The following RTF1 variants were observed in gnomAD, a reference collection of about 807,000 sequenced individuals.
The protein encoded by RTF1 is RTF1 homolog, Paf1/RNA polymerase II complex component, also known as RNA polymerase-associated protein RTF1 homolog.
In RTF1, 10 loss-of-function variants were observed where a neutral mutation model predicts 95.7. The observed-to-expected ratio is 0.10, with a 90% CI of 0.06 to 0.18. The LOEUF (loss-of-function observed/expected upper bound fraction) is 0.18. Among genes scored for constraint, RTF1 ranks in the 10% least tolerant of loss-of-function variants. The probability of loss-of-function intolerance (pLI) is 1.00; values close to 1 mark genes in which losing one functional copy is unlikely to be tolerated. For synonymous variants in RTF1, 305 were observed against 311.8 expected (o/e 0.98, Z 0.23); for missense variants, 458 against 875.6 (o/e 0.52, Z 6.02).
intron 4 of RTF1, among the ~76,000 whole-genome samples, chr15:41,459,907 A>G (rs997340349): frequency 6.6e-6 from 1 of 152,146 alleles, no homozygotes. Flanking sequence ...TTGTCTTGGA[A>G]ATAAAATAGC....
chr15:41,470,613 G>GT (rs887360976), intron 7 of RTF1, among the ~76,000 whole-genome samples: 13 of 144,738 alleles, frequency 9.0e-5, no homozygotes, highest in Non-Finnish European at 2.0e-4. Context: ...CTGACTTCGT[G>GT]TCATTCTCAG....
rs183731293 is a variant in RTF1 at position 41,425,081 on chromosome 15, G to T, written c.198+7768G>T. Among the ~76,000 whole-genome samples, 1,068 of 152,178 alleles carry T rather than the reference G, an allele frequency of 7.0e-3. 8 individuals are homozygous for T. The highest frequency in any genetic ancestry group is 0.012 in the Non-Finnish European group (837 of 67,970). ...CTCCCCGGTGGCTGGGACTGCAAGT[G>T]TGTGCCACCACACTTGGCTAATTTT... On this transcript the variant is annotated intron_variant, in intron 1 of 17. Transcript: ENST00000389629.
intron 10 of RTF1, 44 bp from the exon 11 acceptor site, chr15:41,475,668 C>A (rs2050938598): frequency 1.2e-6 from 2 of 1,600,744 alleles, no homozygotes; most frequent in African/African-American, 2.7e-5. Context: ...AAATATCTTT[C>A]CAAAATCCCT....
chr15:41,469,982 A>G (rs1358567583), intron 6 of RTF1, among the ~76,000 whole-genome samples: 3 of 152,176 alleles, frequency 2.0e-5, no homozygotes, highest in Non-Finnish European at 4.4e-5. Flanking sequence ...TGAGTGCCAT[A>G]AAAGAGAACT....
chr15:41,447,212 G>A (rs150823979), intron 2 of RTF1, among the ~76,000 whole-genome samples: 123 of 152,252 alleles, frequency 8.1e-4, no homozygotes, highest in African/African-American at 2.7e-3. Context: ...CTGAGACCTA[G>A]GAATATGGGT....
chr15:41,449,377 C>T (rs778701890), intron 2 of RTF1, among the ~76,000 whole-genome samples: 42 of 152,092 alleles, frequency 2.8e-4, no homozygotes, highest in Admixed American at 4.6e-4. Flanking sequence ...ACTACAGGCG[C>T]CCGCCACCAT....
At chr15:41,459,117 A>T (rs571054008) in intron 4 of RTF1, among the ~76,000 whole-genome samples, 9 of 152,082 alleles carry the variant, frequency 5.9e-5, no homozygotes, top group African/African-American at 2.2e-4. Context: ...GCGGCGGCTC[A>T]CACCTGTAAT....
At chr15:41,478,957 T>G (rs2050956255) in intron 15 of RTF1, 146 bp from the exon 16 acceptor site, 2 of 613,282 alleles carry the variant, frequency 3.3e-6, no homozygotes, top group Non-Finnish European at 5.7e-6. Context: ...TTTTTTTTTT[T>G]TTTTGCTGCT....
chr15:41,445,785 G>T (rs1459443336), intron 2 of RTF1, among the ~76,000 whole-genome samples: 1 of 150,794 alleles, frequency 6.6e-6, no homozygotes. Context: ...AAGAGGGCTG[G>T]AGTGTGGTGG....
intron 2 of RTF1, among the ~76,000 whole-genome samples, chr15:41,446,398 C>T (rs1352863227): frequency 1.3e-5 from 2 of 151,904 alleles, no homozygotes; most frequent in Admixed American, 1.3e-4. Flanking sequence ...AACCCCTTTT[C>T]TACTAAAAAT....
chr15:41,422,838 C>T (rs766854826), intron 1 of RTF1, among the ~76,000 whole-genome samples: 23 of 152,110 alleles, frequency 1.5e-4, no homozygotes, highest in Non-Finnish European at 3.1e-4. Context: ...TGCAGTGGCG[C>T]GATCTTGGCT....
At chr15:41,478,650 A>G (rs758330021) in intron 15 of RTF1, 25 bp downstream of exon 15, 1 of 1,563,428 alleles carries the variant, frequency 6.4e-7, no homozygotes, top group Non-Finnish European at 8.8e-7. Context: ...AGGACATTTT[A>G]GTCAGGACCT....
chr15:41,479,201 A>AAC lies in RTF1; in HGVS notation c.1914+4_1914+5insCA. Reference sequence around the variant, plus strand: ...ATGCTCCAAAGGAAATGAGCAAGGCAAGTGTGGTACCACCCTGTTGCCTGC... The same window carrying AAC: ...ATGCTCCAAAGGAAATGAGCAAGGCAACAGTGTGGTACCACCCTGTTGCCTGC... On this transcript the variant is annotated splice_donor_region_variant and intron_variant, in intron 16 of 17. Transcript: ENST00000389629. 1 of 1,604,818 alleles carries AAC rather than the reference A, an allele frequency of 6.2e-7. No individual in the cohort carries two copies. The highest frequency in any genetic ancestry group is 8.5e-7 in the Non-Finnish European group (1 of 1,172,118).
In RTF1 at chr15:41,423,902, AC is replaced by A. The variant is rs2050615759; in HGVS notation, c.198+6591del. ...CAAGTAGCTGGGATTACAGGTATGC[AC>A]CACCATGCCCGACTAATTTTTGTAT... On this transcript the variant is annotated intron_variant, in intron 1 of 17. Coordinates refer to ENST00000389629, the MANE Select transcript of RTF1 (RefSeq NM_015138.5). Among the ~76,000 whole-genome samples, 3 of 151,994 alleles carry A rather than the reference AC, an allele frequency of 2.0e-5. No individual in the cohort carries two copies. The East Asian group carries it at 5.8e-4, about 30-fold the overall frequency.
intron 2 of RTF1, among the ~76,000 whole-genome samples, chr15:41,445,880 C>T (rs1470973272): frequency 6.6e-6 from 1 of 151,828 alleles, no homozygotes; most frequent in Non-Finnish European, 1.5e-5. Context: ...GGATTACAGG[C>T]GCATGCTACC....
rs985100666 is a variant in RTF1 at position 41,442,875 on chromosome 15, G to A, written c.309+4444G>A. On this transcript the variant is annotated intron_variant, in intron 2 of 17. Coordinates refer to ENST00000389629, the MANE Select transcript of RTF1 (RefSeq NM_015138.5). ...TATTCCAGGCTGGGCCCCAGAGTGAGACTGCATCTCAATAAAAATAAATAA... is the reference window on the plus strand; with the variant it reads ...TATTCCAGGCTGGGCCCCAGAGTGAAACTGCATCTCAATAAAAATAAATAA... 3.9e-5 allele frequency among the ~76,000 whole-genome samples: 6 copies of A among 152,210 alleles called. No individual in the cohort carries two copies. The East Asian group carries it at 1.2e-3, about 29-fold the overall frequency.
Position 41,444,804 on chromosome 15 carries a change from A to G in RTF1, c.309+6373A>G, listed in dbSNP as rs188134015. Among the ~76,000 whole-genome samples, 421 of 152,046 alleles carry G rather than the reference A, an allele frequency of 2.8e-3. 1 individual carries two copies. The highest frequency in any genetic ancestry group is 9.6e-3 in the African/African-American group (399 of 41,470). ...CTATAACACTTCCAACTTACTGCATATTTTCTGTCGTGGGGTCAGGAAGCC... is the reference window on the plus strand; with the variant it reads ...CTATAACACTTCCAACTTACTGCATGTTTTCTGTCGTGGGGTCAGGAAGCC... On this transcript the variant is annotated intron_variant, in intron 2 of 17. Transcript: ENST00000389629.
rs376584126 is a variant in RTF1, at chr15:41,438,144, C to CA, written c.199-176dup. 3.6e-3 allele frequency among the ~76,000 whole-genome samples: 551 copies of CA among 152,310 alleles called. 6 individuals carry two copies. Among genetic ancestry groups the CA allele is most frequent in the African/African-American group, 0.013 (525 of 41,556 alleles). On this transcript the variant is annotated intron_variant, in intron 1 of 17. Transcript: ENST00000389629. ...GGGGCAGATTTTCTAAACATTTCTT[C>CA]AGCATCTTGGAATCCTAGCAGTCAG...
At chr15:41,480,182 T>C in intron 16 of RTF1, 32 bp from the exon 17 acceptor site, 1 of 1,375,666 alleles carries the variant, frequency 7.3e-7, no homozygotes, top group Non-Finnish European at 1.0e-6. Flanking sequence ...GCATTTATGC[T>C]CTTACCATTA....
Sources: gnomAD v4.1 joint callset for allele counts (sites outside exome capture counted in the v4.1 genomes callset) on GRCh38, gnomAD v4.1.1 for gene constraint, MANE v1.5 for transcripts, NCBI Gene and HGNC (gene_info 2026-07-23, HGNC 2026-07-21) for gene names.